Variants in CUL1 observed in about 807,000 individuals in gnomAD.
CUL1 encodes the protein cullin-1.
CUL1 carries 24 observed loss-of-function variants against 118.0 expected under a neutral mutation model. That is an observed-to-expected ratio of 0.20 (90% confidence interval 0.15 to 0.29). The LOEUF is 0.29. Among genes scored for constraint, CUL1 ranks in the 10% least tolerant of loss-of-function variants. The pLI, the probability that CUL1 is intolerant of heterozygous loss-of-function variation, is 1.00. For missense variants in CUL1, 361 were observed against 933.8 expected (o/e 0.39, Z 7.99); for synonymous variants, 332 against 340.4 (o/e 0.98, Z 0.27).
chr7:148,736,173 T>C (rs13226066), intron 2 of CUL1, among the ~76,000 whole-genome samples: 23 of 152,290 alleles, frequency 1.5e-4, no homozygotes, highest in Admixed American at 2.0e-4. Context: ...GACCCTGTTT[T>C]TACCTATCAG....
At chr7:148,702,101 A>G (rs1426986891) in intron 1 of CUL1, among the ~76,000 whole-genome samples, 1 of 152,220 alleles carries the variant, frequency 6.6e-6, no homozygotes, top group Non-Finnish European at 1.5e-5. Context: ...AATAGATCCT[A>G]TTTGGATAAA....
At chr7:148,761,720 T>C (rs1434032447) in intron 7 of CUL1, among the ~76,000 whole-genome samples, 1 of 152,168 alleles carries the variant, frequency 6.6e-6, no homozygotes, top group Non-Finnish European at 1.5e-5. Flanking sequence ...GTGGCCGGGT[T>C]CCAATAAAAC....
At chr7:148,758,160 A>T (rs1296218914) in intron 4 of CUL1, among the ~76,000 whole-genome samples, 1 of 152,206 alleles carries the variant, frequency 6.6e-6, no homozygotes, top group African/African-American at 2.4e-5. Context: ...ATTCTGATGC[A>T]TGCTCCAGTT....
intron 9 of CUL1, among the ~76,000 whole-genome samples, chr7:148,772,425 CAAA>C (rs11402401): frequency 2.7e-5 from 4 of 146,610 alleles, no homozygotes; most frequent in Non-Finnish European, 6.1e-5. Flanking sequence ...AAAAAAAAAA[CAAA>C]AAAAAAAACC....
At position 148,797,377 on chromosome 7, in the gene CUL1, G is replaced by T. The variant is rs570278811; in HGVS notation, c.1900-435G>T. On this transcript the variant is annotated intron_variant, in intron 17 of 21. Transcript: ENST00000325222. ...AATGCTCCACAATCCAAACATTTTTGAGCACCAACATGATGCTCAAAAAAA... is the reference window on the plus strand; with the variant it reads ...AATGCTCCACAATCCAAACATTTTTTAGCACCAACATGATGCTCAAAAAAA... Among the ~76,000 whole-genome samples the T allele has an allele frequency of 2.0e-3, 263 of 131,900 alleles. 1 individual carries two copies. Among genetic ancestry groups the T allele is most frequent in the Middle Eastern group, 4.3e-3 (1 of 234 alleles). The allele number at this position is 131,900 out of a possible 152,430, so 86.5% of individuals were successfully genotyped here.
chr7:148,714,478 T>C lies in CUL1; in HGVS notation c.-162+15449T>C, dbSNP rs963360867. Reference sequence around the variant, plus strand: ...ACTGAGACTTCGCACCTTTGACCAGTATCTCCCCATCCCCCTCCTTGGTGC... The same window carrying C: ...ACTGAGACTTCGCACCTTTGACCAGCATCTCCCCATCCCCCTCCTTGGTGC... On this transcript the variant is annotated intron_variant, in intron 1 of 21. Coordinates refer to ENST00000325222, the MANE Select transcript of CUL1 (RefSeq NM_003592.3). Among the ~76,000 whole-genome samples the C allele has an allele frequency of 3.3e-5, 5 of 152,190 alleles. No homozygotes were observed. The East Asian group carries it at 9.6e-4, about 29-fold the overall frequency.
At chr7:148,737,440 T>C (rs894516542) in intron 2 of CUL1, among the ~76,000 whole-genome samples, 19 of 151,666 alleles carry the variant, frequency 1.3e-4, no homozygotes, top group Middle Eastern at 3.4e-3. Context: ...CAGGACTTTA[T>C]TCTTTTATAA....
chr7:148,715,191 C>T (rs745336904), intron 1 of CUL1, among the ~76,000 whole-genome samples: 3 of 152,170 alleles, frequency 2.0e-5, no homozygotes, highest in Non-Finnish European at 4.4e-5. Context: ...TAAGTCATCA[C>T]GTTCTCTGAG....
chr7:148,703,162 T>A (rs911932980), intron 1 of CUL1, among the ~76,000 whole-genome samples: 7 of 152,342 alleles, frequency 4.6e-5, no homozygotes, highest in Admixed American at 6.5e-5. Flanking sequence ...GAGATTAAAA[T>A]GAAAATGCTT....
At chr7:148,744,297 C>T (rs1799236585) in intron 2 of CUL1, among the ~76,000 whole-genome samples, 1 of 151,760 alleles carries the variant, frequency 6.6e-6, no homozygotes, top group Non-Finnish European at 1.5e-5. Context: ...GTTTTTTTCT[C>T]CCCTTAAAAA....
intron 2 of CUL1, among the ~76,000 whole-genome samples, chr7:148,753,477 G>A (rs971218510): frequency 1.3e-5 from 2 of 152,022 alleles, no homozygotes; most frequent in African/African-American, 4.8e-5. Flanking sequence ...ATAAGTTTTA[G>A]ATGGCTATGA....
rs540640474 is a variant in CUL1, at chr7:148,761,865, G to A, written c.789+1369G>A. ...AGACGGTGGCTGGGGGAAGAAGGGG[G>A]ATGGTTTTGGGACGAAACTGTTCCA... On this transcript the variant is annotated intron_variant, in intron 7 of 21. Coordinates refer to ENST00000325222, the MANE Select transcript of CUL1 (RefSeq NM_003592.3). 5.3e-5 allele frequency among the ~76,000 whole-genome samples: 8 copies of A among 152,348 alleles called. No homozygotes were observed. In the South Asian group the frequency reaches 1.7e-3, roughly 32 times the overall value.
upstream of CUL1, chr7:148,698,879 G>T: frequency 6.4e-6 from 1 of 155,424 alleles, no homozygotes; most frequent in South Asian, 1.7e-4. Flanking sequence ...AGGAGGAGGC[G>T]GGCGCCGTGT....
chr7:148,722,038 T>G (rs1165311801), intron 1 of CUL1, among the ~76,000 whole-genome samples: 2 of 152,248 alleles, frequency 1.3e-5, no homozygotes, highest in African/African-American at 4.8e-5. Flanking sequence ...TTTAATAAGT[T>G]ATATTCTGCT....
chr7:148,780,983 C>T (rs1216503552), intron 9 of CUL1, among the ~76,000 whole-genome samples: 1 of 151,702 alleles, frequency 6.6e-6, no homozygotes, highest in African/African-American at 2.4e-5. Flanking sequence ...AAAATTCTCT[C>T]CCGTATATTA....
chr7:148,709,363 A>G lies in CUL1; in HGVS notation c.-162+10334A>G, dbSNP rs375591595. On this transcript the variant is annotated intron_variant, in intron 1 of 21. Coordinates refer to ENST00000325222, the MANE Select transcript of CUL1 (RefSeq NM_003592.3). ...ATTTTTCAGAAGTTTATTTATTTGCAGTTTTGATGTGTACATTTTATTTTA... is the reference window on the plus strand; with the variant it reads ...ATTTTTCAGAAGTTTATTTATTTGCGGTTTTGATGTGTACATTTTATTTTA... Among the ~76,000 whole-genome samples the G allele has an allele frequency of 2.6e-5, 4 of 152,290 alleles. No individual in the cohort carries two copies. In the East Asian group the frequency reaches 5.8e-4, roughly 22 times the overall value.
intron 2 of CUL1, among the ~76,000 whole-genome samples, chr7:148,733,024 CG>C (rs1286775266): frequency 6.6e-6 from 1 of 152,096 alleles, no homozygotes; most frequent in Admixed American, 6.5e-5. Context: ...TATCTCACCG[CG>C]GGCTGGTGGT....
At chr7:148,792,654 C>A in intron 16 of CUL1, 72 bp from the exon 17 acceptor site, 1 of 958,742 alleles carries the variant, frequency 1.0e-6, no homozygotes. Context: ...CAAACTTGGG[C>A]TGTATATTTT....
chr7:148,749,605 T>G (rs183625235), intron 2 of CUL1, among the ~76,000 whole-genome samples: 3 of 152,100 alleles, frequency 2.0e-5, no homozygotes, highest in African/African-American at 7.2e-5. Flanking sequence ...CATAAATGCA[T>G]GTGTCTGCTC....
Sources: allele counts gnomAD v4.1 joint callset (sites outside exome capture counted in the v4.1 genomes callset), GRCh38; gene constraint gnomAD v4.1.1; transcripts MANE v1.5; gene names NCBI Gene and HGNC (gene_info 2026-07-23, HGNC 2026-07-21).